Variants in KCNIP4 observed in about 807,000 individuals in gnomAD.
KCNIP4 encodes potassium voltage-gated channel interacting protein 4, also known as Kv channel-interacting protein 4.
A neutral mutation model predicts 34.0 loss-of-function variants in KCNIP4; 12 were observed. The observed-to-expected ratio is 0.35, with a 90% CI of 0.23 to 0.57. KCNIP4 has a LOEUF of 0.57. Ranked by LOEUF, KCNIP4 falls within the 20% of genes least tolerant of loss-of-function variation. The probability of loss-of-function intolerance (pLI) is 0.83; values close to 1 mark genes in which losing one functional copy is unlikely to be tolerated. For synonymous variants in KCNIP4, 124 were observed against 102.2 expected (o/e 1.21, Z -1.29); for missense variants, 238 against 311.7 (o/e 0.76, Z 1.78).
chr4:21,713,507 A>C (rs1374440024), intron 1 of KCNIP4, among the ~76,000 whole-genome samples: 3 of 152,224 alleles, frequency 2.0e-5, no homozygotes, highest in Admixed American at 2.0e-4. Flanking sequence ...TATGGGGTAC[A>C]AGTGATATTT....
intron 1 of KCNIP4, among the ~76,000 whole-genome samples, chr4:21,218,940 G>T (rs1757802033): frequency 6.6e-6 from 1 of 152,040 alleles, no homozygotes; most frequent in South Asian, 2.1e-4. Context: ...TTCCAGAGAT[G>T]GCTATTGCAA....
chr4:21,535,699 A>T (rs566234263), intron 1 of KCNIP4, among the ~76,000 whole-genome samples: 68 of 152,296 alleles, frequency 4.5e-4, no homozygotes, highest in Non-Finnish European at 6.9e-4. Flanking sequence ...TTCTATATGA[A>T]TTGGAGAAAT....
intron 1 of KCNIP4, among the ~76,000 whole-genome samples, chr4:21,006,574 G>T (rs996457009): frequency 4.6e-5 from 7 of 152,170 alleles, no homozygotes; most frequent in Non-Finnish European, 7.3e-5. Context: ...ATATGATGTT[G>T]TTATACATCA....
chr4:20,901,122 A>G (rs977557800), intron 1 of KCNIP4, among the ~76,000 whole-genome samples: 5 of 152,238 alleles, frequency 3.3e-5, no homozygotes, highest in Non-Finnish European at 5.9e-5. Context: ...TGATAGCAAC[A>G]CAAGCCATTT....
chr4:21,124,327 C>T (rs1289458914), intron 1 of KCNIP4, among the ~76,000 whole-genome samples: 1 of 151,946 alleles, frequency 6.6e-6, no homozygotes, highest in Non-Finnish European at 1.5e-5. Context: ...CTCAGAGATC[C>T]CTGGGGGTCC....
chr4:20,972,135 T>C (rs989812891), intron 1 of KCNIP4, among the ~76,000 whole-genome samples: 1 of 152,224 alleles, frequency 6.6e-6, no homozygotes, highest in Non-Finnish European at 1.5e-5. Context: ...AGTTATTTCT[T>C]CTAATGAATT....
intron 1 of KCNIP4, among the ~76,000 whole-genome samples, chr4:21,342,800 T>C (rs1716892409): frequency 6.6e-6 from 1 of 151,978 alleles, no homozygotes; most frequent in South Asian, 2.1e-4. Context: ...TTTTTTCCTC[T>C]CTGTGAAATG....
chr4:21,526,366 T>C (rs1560486803), intron 1 of KCNIP4, among the ~76,000 whole-genome samples: 1 of 152,108 alleles, frequency 6.6e-6, no homozygotes, highest in African/African-American at 2.4e-5. Flanking sequence ...TCTTCTACCA[T>C]GATTTTGAGG....
At chr4:21,137,506 T>C (rs891700325) in intron 1 of KCNIP4, among the ~76,000 whole-genome samples, 5 of 152,208 alleles carry the variant, frequency 3.3e-5, no homozygotes, top group African/African-American at 1.2e-4. Context: ...AGAGGCTTTG[T>C]TTGATTCTAA....
At chr4:20,971,526 A>G (rs1734952072) in intron 1 of KCNIP4, among the ~76,000 whole-genome samples, 1 of 152,156 alleles carries the variant, frequency 6.6e-6, no homozygotes. Flanking sequence ...ACAATACTGT[A>G]GTCTATTAAG....
In KCNIP4 at chr4:21,084,796, A is replaced by G. The variant is rs145038346; in HGVS notation, c.62-202087T>C. Among the ~76,000 whole-genome samples, 172 of 151,128 alleles carry G rather than the reference A, an allele frequency of 1.1e-3. 2 individuals are homozygous for G. The highest frequency in any genetic ancestry group is 4.1e-3 in the African/African-American group (167 of 40,856). ...CTTCAGCCCCTCTTTCTACATAATCATCTCCTGTAATTTATTCTCAACACA... is the reference window on the plus strand; with the variant it reads ...CTTCAGCCCCTCTTTCTACATAATCGTCTCCTGTAATTTATTCTCAACACA... On this transcript the variant is annotated intron_variant, in intron 1 of 8. Coordinates refer to ENST00000382152, the MANE Select transcript of KCNIP4 (RefSeq NM_025221.6).
At chr4:21,511,022 C>A (rs151205807) in intron 1 of KCNIP4, among the ~76,000 whole-genome samples, 2 of 151,458 alleles carry the variant, frequency 1.3e-5, no homozygotes, top group Non-Finnish European at 2.9e-5. Context: ...CCAGCCTGGG[C>A]GACAGAGAAA....
intron 1 of KCNIP4, among the ~76,000 whole-genome samples, chr4:21,532,138 A>T (rs749750330): frequency 6.6e-6 from 1 of 152,156 alleles, no homozygotes; most frequent in African/African-American, 2.4e-5. Flanking sequence ...TGTGATAGAG[A>T]AAAAGGAATA....
intron 2 of KCNIP4, among the ~76,000 whole-genome samples, chr4:20,871,714 G>A (rs1236195225): frequency 1.4e-4 from 22 of 152,094 alleles, no homozygotes; most frequent in Admixed American, 1.4e-3. Context: ...TATTCTTCAT[G>A]TCTTCAAACA....
intron 3 of KCNIP4, among the ~76,000 whole-genome samples, chr4:20,849,279 A>G (rs1318658568): frequency 6.6e-6 from 1 of 152,042 alleles, no homozygotes; most frequent in Admixed American, 6.6e-5. Context: ...AAACAAATTT[A>G]CTCTGCATAA....
At chr4:20,922,517 CTG>C (rs1375891628) in intron 1 of KCNIP4, among the ~76,000 whole-genome samples, 1 of 72,680 alleles carries the variant, frequency 1.4e-5, no homozygotes, top group Non-Finnish European at 2.7e-5. Flanking sequence ...AATAGTGTGA[CTG>C]TCTGTCTGTC....
chr4:21,158,993 T>C (rs1398890558), intron 1 of KCNIP4, among the ~76,000 whole-genome samples: 1 of 152,196 alleles, frequency 6.6e-6, no homozygotes, highest in Admixed American at 6.5e-5. Context: ...AATAGCTTCA[T>C]AAATTGATAA....
At chr4:21,241,715 T>C (rs976547515) in intron 1 of KCNIP4, among the ~76,000 whole-genome samples, 7 of 152,192 alleles carry the variant, frequency 4.6e-5, no homozygotes, top group African/African-American at 1.7e-4. Context: ...TTAGTTTTCT[T>C]TTGTTTAAAG....
chr4:21,103,830 C>T (rs983484402), intron 1 of KCNIP4, among the ~76,000 whole-genome samples: 8 of 147,710 alleles, frequency 5.4e-5, no homozygotes, highest in South Asian at 2.2e-4. Context: ...TGAGAACATG[C>T]GGTGTTTGGT....
Sources: allele counts gnomAD v4.1 joint callset (sites outside exome capture counted in the v4.1 genomes callset), GRCh38; gene constraint gnomAD v4.1.1; transcripts MANE v1.5; gene names NCBI Gene and HGNC (gene_info 2026-07-23, HGNC 2026-07-21).